WSCD2: variants seen among roughly 807,000 people sequenced by gnomAD.
WSCD2 encodes the protein WSC domain sialate O sulfotransferase 2.
Under a neutral mutation model 55.7 loss-of-function variants are expected in WSCD2, and 28 were observed. The ratio of observed to expected loss-of-function variants is 0.50; its 90% CI spans 0.37 to 0.69. WSCD2 has a LOEUF of 0.69. WSCD2 is among the 30% of genes least tolerant of loss of function. The pLI, the probability that WSCD2 is intolerant of heterozygous loss-of-function variation, is 0.00. For missense variants in WSCD2, 616 were observed against 762.1 expected, an observed-to-expected ratio of 0.81 and a Z score of 2.26; for synonymous variants, 301 against 301.9, an observed-to-expected ratio of 1.00 and a Z score of 0.03.
chr12:108,175,314 C>T (rs1374779765), intron 1 of WSCD2, among the ~76,000 whole-genome samples: 2 of 152,142 alleles, frequency 1.3e-5, no homozygotes, highest in African/African-American at 2.4e-5. Flanking sequence ...CACAAGTGAG[C>T]CCCATGAGCA....
chr12:108,185,611 A>C (rs892849967), intron 1 of WSCD2, among the ~76,000 whole-genome samples: 1 of 151,808 alleles, frequency 6.6e-6, no homozygotes, highest in Non-Finnish European at 1.5e-5. Flanking sequence ...AACCGAGGCA[A>C]AGGTTCACAA....
chr12:108,206,153 C>G lies in WSCD2; in HGVS notation c.383-136C>G, dbSNP rs529412312. 197 of 715,270 alleles carry G rather than the reference C, an allele frequency of 2.8e-4. No individual in the cohort carries two copies. In the African/African-American group the frequency reaches 2.8e-3, roughly 10 times the overall value. 44.3% of individuals were successfully genotyped at this position (715,270 alleles called of 1,614,324 possible). ...CCAAGACAAATGACTTTCACTCTCT[C>G]ATTTCTGCCCAAAGGAAGGACTTGA... On this transcript the variant is annotated intron_variant, in intron 2 of 8. Coordinates refer to ENST00000547525, the MANE Select transcript of WSCD2 (RefSeq NM_014653.4).
In WSCD2 at chr12:108,195,973, G is replaced by A; in HGVS notation, c.141G>A (p.Gly47=). ...TTGTGGGCCAGCCCGCTGTCTCGGG[G>A]AACCAGGCGAACCCCGCTGCTGCAG... is the stretch of plus-strand genomic sequence containing the variant. ...SGFVGQPAVS[G]NQANPAAAGG... Residue 47 remains glycine, a synonymous_variant, in exon 2 of 9, where the codon GGG becomes GGA. Transcript: ENST00000547525. 6.2e-7 allele frequency: 1 copy of A among 1,614,232 alleles called. No homozygotes were observed. Among genetic ancestry groups the A allele is most frequent in the Non-Finnish European group, 8.5e-7 (1 of 1,180,044 alleles).
intron 1 of WSCD2, among the ~76,000 whole-genome samples, chr12:108,158,788 T>A (rs1878779468): frequency 6.6e-6 from 1 of 152,112 alleles, no homozygotes; most frequent in Non-Finnish European, 1.5e-5. Flanking sequence ...TCACTCTCCG[T>A]GTCTACTCAA....
chr12:108,188,428 G>A (rs375859062), intron 1 of WSCD2, among the ~76,000 whole-genome samples: 1 of 152,114 alleles, frequency 6.6e-6, no homozygotes, highest in Non-Finnish European at 1.5e-5. Context: ...TCATGAGCAC[G>A]ATGGAATCAT....
chr12:108,191,838 G>C (rs893906238), intron 1 of WSCD2, among the ~76,000 whole-genome samples: 15 of 152,288 alleles, frequency 9.8e-5, no homozygotes, highest in African/African-American at 3.6e-4. Flanking sequence ...CTGAAAGTGG[G>C]GGGTGGACAC....
At chr12:108,158,035 C>T (rs373140769) in intron 1 of WSCD2, among the ~76,000 whole-genome samples, 2 of 152,204 alleles carry the variant, frequency 1.3e-5, no homozygotes, top group East Asian at 1.9e-4. Flanking sequence ...TGTCAGCCAA[C>T]ATCCTACACT....
intron 1 of WSCD2, among the ~76,000 whole-genome samples, chr12:108,138,669 A>T (rs1876472139): frequency 6.6e-6 from 1 of 152,180 alleles, no homozygotes; most frequent in Non-Finnish European, 1.5e-5. Flanking sequence ...TCTGTTCAGG[A>T]CTCATGATGA....
intron 1 of WSCD2, among the ~76,000 whole-genome samples, chr12:108,135,862 T>C (rs1409807104): frequency 1.7e-5 from 1 of 57,884 alleles, no homozygotes; most frequent in Non-Finnish European, 4.9e-5. Flanking sequence ...AGCCCATTCA[T>C]TGGCTATTGT....
intron 2 of WSCD2, among the ~76,000 whole-genome samples, chr12:108,201,629 T>C (rs969808013): frequency 2.0e-5 from 3 of 152,178 alleles, no homozygotes; most frequent in Admixed American, 2.0e-4. Context: ...TATTTGAGGC[T>C]ACTGCAGCAT....
Position 108,193,389 on chromosome 12 carries a change from T to A in WSCD2, c.-551-1893T>A, listed in dbSNP as rs181063353. On this transcript the variant is annotated intron_variant, in intron 1 of 8. Coordinates refer to ENST00000547525, the MANE Select transcript of WSCD2 (RefSeq NM_014653.4). ...TATTCCTGCATCTCAAACACACACA[T>A]AGTAGGCAATCAGCATATGTTTTTA... is the stretch of plus-strand genomic sequence containing the variant. Among the ~76,000 whole-genome samples the A allele has an allele frequency of 1.8e-3, 277 of 152,336 alleles. 1 individual carries two copies. Among genetic ancestry groups the A allele is most frequent in the African/African-American group, 6.4e-3 (268 of 41,576 alleles).
chr12:108,137,265 C>T (rs1052154380), intron 1 of WSCD2, among the ~76,000 whole-genome samples: 1 of 152,374 alleles, frequency 6.6e-6, no homozygotes, highest in Non-Finnish European at 1.5e-5. Context: ...ACCATCATAA[C>T]TGCATGCCAT....
chr12:108,158,968 G>T lies in WSCD2; in HGVS notation c.-552+29042G>T, dbSNP rs143242650. 1.6e-3 allele frequency among the ~76,000 whole-genome samples: 238 copies of T among 152,266 alleles called. 1 individual carries two copies. Among genetic ancestry groups the T allele is most frequent in the Middle Eastern group, 6.8e-3 (2 of 294 alleles). Reference sequence around the variant, plus strand: ...ATCCAAGCCATCTGTCTTTTGCCTGGATTCTGTAACATCTTGCACACTACA... The same window carrying T: ...ATCCAAGCCATCTGTCTTTTGCCTGTATTCTGTAACATCTTGCACACTACA... On this transcript the variant is annotated intron_variant, in intron 1 of 8. Coordinates refer to ENST00000547525, the MANE Select transcript of WSCD2 (RefSeq NM_014653.4).
At chr12:108,181,384 G>A (rs1881734804) in intron 1 of WSCD2, among the ~76,000 whole-genome samples, 2 of 152,142 alleles carry the variant, frequency 1.3e-5, no homozygotes, top group Admixed American at 1.3e-4. Context: ...ACTTTTCAAA[G>A]AATCCCAAAT....
intron 2 of WSCD2, among the ~76,000 whole-genome samples, chr12:108,204,991 C>T (rs113154568): frequency 7.0e-4 from 106 of 152,296 alleles, no homozygotes; most frequent in African/African-American, 2.2e-3. Context: ...GCTGGATCCC[C>T]GGTCTAACCT....
At chr12:108,229,559 G>A (rs1021627228) in intron 6 of WSCD2, among the ~76,000 whole-genome samples, 1 of 152,290 alleles carries the variant, frequency 6.6e-6, no homozygotes, top group African/African-American at 2.4e-5. Context: ...TTTTATAGGT[G>A]AGGAAACTGA....
At chr12:108,239,539 T>C (rs575343290) in intron 7 of WSCD2, among the ~76,000 whole-genome samples, 1 of 152,206 alleles carries the variant, frequency 6.6e-6, no homozygotes, top group East Asian at 1.9e-4. Context: ...AGCAGAAACA[T>C]ATGATGTGTC....
chr12:108,231,044 G>T (rs1245658734), intron 6 of WSCD2, among the ~76,000 whole-genome samples: 1 of 152,138 alleles, frequency 6.6e-6, no homozygotes, highest in Non-Finnish European at 1.5e-5. Context: ...AGCTGAGAGA[G>T]AAAAAATATT....
chr12:108,224,876 G>A lies in WSCD2; in HGVS notation c.804+16G>A. On this transcript the variant is annotated intron_variant, in intron 5 of 8. Transcript: ENST00000547525. The stretch of plus-strand genomic sequence containing the variant: ...CACTGAGAAGGTGAGCACAAGGTGG[G>A]GCCCATGGAACTCAGGGGGAGGGAA... 1 of 1,610,498 alleles carries A rather than the reference G, an allele frequency of 6.2e-7. No homozygotes were observed. The highest frequency in any genetic ancestry group is 8.5e-7 in the Non-Finnish European group (1 of 1,179,360).
Sources: gnomAD v4.1 joint callset for allele counts (sites outside exome capture counted in the v4.1 genomes callset) on GRCh38, gnomAD v4.1.1 for gene constraint, MANE v1.5 for transcripts, NCBI Gene and HGNC (gene_info 2026-07-23, HGNC 2026-07-21) for gene names.